Variants in PCDH15 observed in about 807,000 individuals in gnomAD.
PCDH15 encodes protocadherin-15.
Under a neutral mutation model 178.5 loss-of-function variants are expected in PCDH15, and 129 were observed. That is an observed-to-expected ratio of 0.72 (90% CI 0.63 to 0.84). PCDH15 has a LOEUF of 0.84. PCDH15 is among the 40% of genes least tolerant of loss of function. The probability of loss-of-function intolerance (pLI) is 0.00; values close to 1 mark genes in which losing one functional copy is unlikely to be tolerated. For synonymous variants in PCDH15, 800 were observed against 732.0 expected (o/e 1.09, Z -1.50); for missense variants, 2,230 against 2,099.9 (o/e 1.06, Z -1.21).
At chr10:55,311,042 G>T (rs1843573723) in intron 1 of PCDH15, among the ~76,000 whole-genome samples, 1 of 152,166 alleles carries the variant, frequency 6.6e-6, no homozygotes, top group Admixed American at 6.5e-5. Context: ...AGTGGTTTGT[G>T]ATCTGTGCAA....
At chr10:55,503,984 A>G (rs1333033113) in intron 2 of PCDH15, among the ~76,000 whole-genome samples, 1 of 151,524 alleles carries the variant, frequency 6.6e-6, no homozygotes, top group Non-Finnish European at 1.5e-5. Context: ...ACAAAACTAT[A>G]CAGAATGTAA....
At chr10:54,346,562 G>T in intron 5 of PCDH15, 78 bp from the exon 6 acceptor site, 1 of 1,543,766 alleles carries the variant, frequency 6.5e-7, no homozygotes, top group Non-Finnish European at 8.9e-7. Flanking sequence ...ATAAAAATCA[G>T]CTCTTTATTA....
chr10:55,588,546 T>G (rs896982521), intron 2 of PCDH15, among the ~76,000 whole-genome samples: 2 of 152,122 alleles, frequency 1.3e-5, no homozygotes, highest in African/African-American at 4.8e-5. Flanking sequence ...AACAATTTAA[T>G]GTCAATTCAT....
At chr10:53,968,365 G>A (rs890936190) in intron 21 of PCDH15, among the ~76,000 whole-genome samples, 4 of 152,168 alleles carry the variant, frequency 2.6e-5, no homozygotes, top group Admixed American at 6.5e-5. Context: ...AGCTCGAACC[G>A]GGTGGAGCCC....
intron 2 of PCDH15, among the ~76,000 whole-genome samples, chr10:54,549,356 A>G (rs1466040071): frequency 6.6e-6 from 1 of 151,942 alleles, no homozygotes. Context: ...AAAATGTTGA[A>G]AATTTATATT....
At chr10:53,943,462 C>T (rs946365462) in intron 23 of PCDH15, among the ~76,000 whole-genome samples, 8 of 151,120 alleles carry the variant, frequency 5.3e-5, no homozygotes, top group Middle Eastern at 3.4e-3. Flanking sequence ...GGCAACAGAG[C>T]GAGTTTAAAT....
chr10:55,190,728 A>T (rs1839925731), intron 1 of PCDH15, among the ~76,000 whole-genome samples: 2 of 151,840 alleles, frequency 1.3e-5, no homozygotes, highest in East Asian at 3.9e-4. Flanking sequence ...GCATATTGAA[A>T]CAATGTTTAG....
rs1036216297 is a variant in PCDH15 at position 55,217,109 on chromosome 10, A to C, written c.-155-50458T>G. Among the ~76,000 whole-genome samples, 19 of 151,910 alleles carry C rather than the reference A, an allele frequency of 1.3e-4. 1 individual carries two copies. Among genetic ancestry groups the C allele is most frequent in the African/African-American group, 4.6e-4 (19 of 41,360 alleles). ...GTGGGTTCCTGAACACAGAACACAA[A>C]GATTCAGCTGAATGAACATTGGTAA... On this transcript the variant is annotated intron_variant, in intron 1 of 5. Transcript: ENST00000458638.
intron 2 of PCDH15, among the ~76,000 whole-genome samples, chr10:55,508,714 T>G (rs558636901): frequency 1.3e-5 from 2 of 151,904 alleles, no homozygotes; most frequent in East Asian, 3.9e-4. Context: ...GTTATTTATA[T>G]TGAATATTTT....
At chr10:54,780,066 A>G (rs1342536982) in intron 1 of PCDH15, among the ~76,000 whole-genome samples, 1 of 152,130 alleles carries the variant, frequency 6.6e-6, no homozygotes, top group African/African-American at 2.4e-5. Flanking sequence ...CTTGAATTCT[A>G]TATAGAATTA....
At chr10:54,114,674 A>G (rs1197152319) in intron 15 of PCDH15, among the ~76,000 whole-genome samples, 1 of 152,208 alleles carries the variant, frequency 6.6e-6, no homozygotes, top group East Asian at 1.9e-4. Context: ...TATTTTTTAT[A>G]AGGTGGGTAG....
intron 3 of PCDH15, among the ~76,000 whole-genome samples, chr10:54,824,193 A>G (rs1953090527): frequency 6.6e-6 from 1 of 152,082 alleles, no homozygotes. Flanking sequence ...CCATGTGTTT[A>G]TGGATTCCAA....
intron 21 of PCDH15, among the ~76,000 whole-genome samples, chr10:53,984,532 A>T (rs1044468726): frequency 1.3e-5 from 2 of 152,290 alleles, no homozygotes; most frequent in East Asian, 3.9e-4. Flanking sequence ...CCTTATGCTT[A>T]ATCTAGCATC....
intron 3 of PCDH15, among the ~76,000 whole-genome samples, chr10:54,828,112 T>A (rs1953160655): frequency 6.6e-6 from 1 of 151,994 alleles, no homozygotes; most frequent in Admixed American, 6.6e-5. Flanking sequence ...GAATTAATTA[T>A]CAACTAGGTT....
At chr10:54,421,686 A>ATG (rs1452147124) in intron 3 of PCDH15, among the ~76,000 whole-genome samples, 12 of 116,180 alleles carry the variant, frequency 1.0e-4, no homozygotes, top group African/African-American at 3.8e-4. Context: ...ATATATATAT[A>ATG]TATATATACA....
At chr10:55,355,977 T>C (rs1330253118) in intron 2 of PCDH15, among the ~76,000 whole-genome samples, 1 of 151,910 alleles carries the variant, frequency 6.6e-6, no homozygotes, top group East Asian at 1.9e-4. Flanking sequence ...TTATCGAACA[T>C]CACAGATTTA....
rs1007621776 is a variant in PCDH15 at position 54,162,966 on chromosome 10, T to C, written c.1591-9673A>G. ...TCACCAGATGTGTTTAAGTGTGGGA[T>C]GAAATATAAACAAACGTTTATGGAA... On this transcript the variant is annotated intron_variant, in intron 13 of 37. Coordinates refer to ENST00000644397, the MANE Select transcript of PCDH15 (RefSeq NM_001384140.1). Among the ~76,000 whole-genome samples the C allele has an allele frequency of 2.6e-5, 4 of 152,064 alleles. No homozygotes were observed. In the East Asian group the frequency reaches 5.8e-4, roughly 22 times the overall value.
At position 54,016,689 on chromosome 10, in the gene PCDH15, A is replaced by G. The variant is rs553331876; in HGVS notation, c.2751+3503T>C. ...AGCTGAAGGTAAACGTTGAGTACATAGGGACACAAAGATGGGAACAACATA... is the reference window on the plus strand; with the variant it reads ...AGCTGAAGGTAAACGTTGAGTACATGGGGACACAAAGATGGGAACAACATA... On this transcript the variant is annotated intron_variant, in intron 20 of 37. Coordinates refer to ENST00000644397, the MANE Select transcript of PCDH15 (RefSeq NM_001384140.1). Among the ~76,000 whole-genome samples, 3 of 152,328 alleles carry G rather than the reference A, an allele frequency of 2.0e-5. No homozygotes were observed. The East Asian group carries it at 5.8e-4, about 29-fold the overall frequency.
Position 54,508,261 on chromosome 10 carries a change from AC to A in PCDH15, c.157+19550del. The stretch of plus-strand genomic sequence containing the variant: ...AGCACACTATCATACATTTACTGAA[AC>A]AGAGTAGATATCCTTATCTTTCACT... On this transcript the variant is annotated intron_variant, in intron 3 of 37. Transcript: ENST00000644397. Among the ~76,000 whole-genome samples, 3 of 152,176 alleles carry A rather than the reference AC, an allele frequency of 2.0e-5. 1 individual carries two copies. The highest frequency in any genetic ancestry group is 2.0e-4 in the Admixed American group (3 of 15,250).
Sources: allele counts gnomAD v4.1 joint callset (sites outside exome capture counted in the v4.1 genomes callset), GRCh38; gene constraint gnomAD v4.1.1; transcripts MANE v1.5; gene names NCBI Gene and HGNC (gene_info 2026-07-23, HGNC 2026-07-21).